Variants in TSHZ3 observed in about 807,000 individuals in gnomAD.
TSHZ3 encodes the protein teashirt zinc finger homeobox 3, also known as teashirt homolog 3.
In TSHZ3, 10 loss-of-function variants were observed where a neutral mutation model predicts 64.5. The observed-to-expected ratio is 0.16, with a 90% confidence interval of 0.10 to 0.26. TSHZ3 has a LOEUF of 0.26. Ranked by LOEUF, TSHZ3 falls within the 10% of genes least tolerant of loss-of-function variation. The probability of loss-of-function intolerance (pLI) is 1.00; values close to 1 mark genes in which losing one functional copy is unlikely to be tolerated. For missense variants in TSHZ3, 1,242 were observed against 1,421.7 expected (o/e 0.87, Z 2.03); for synonymous variants, 608 against 593.1 (o/e 1.03, Z -0.36).
intron 1 of TSHZ3, among the ~76,000 whole-genome samples, chr19:31,258,403 G>C (rs1255177452): frequency 1.3e-5 from 2 of 152,192 alleles, no homozygotes; most frequent in African/African-American, 4.8e-5. Flanking sequence ...TTGATGGCCA[G>C]GAGAGGCCAC....
At chr19:31,241,051 T>G (rs1368958142) in intron 3 of TSHZ3, among the ~76,000 whole-genome samples, 1 of 152,218 alleles carries the variant, frequency 6.6e-6, no homozygotes, top group Non-Finnish European at 1.5e-5. Flanking sequence ...CACATTTTCA[T>G]GTTTTTATTT....
chr19:31,349,491 A>AGAGGAGGAGGAGGTGGAG (rs1568390252), upstream of TSHZ3: 5 of 344,872 alleles, frequency 1.4e-5, no homozygotes, highest in Admixed American at 5.0e-5. Context: ...AGGAGGAGGC[A>AGAGGAGGAGGAGGTGGAG]GAGGAGGAGG....
At chr19:31,329,677 A>G (rs1917022285) in intron 1 of TSHZ3, among the ~76,000 whole-genome samples, 1 of 152,234 alleles carries the variant, frequency 6.6e-6, no homozygotes, top group African/African-American at 2.4e-5. Flanking sequence ...CGGAAGATGC[A>G]TTATTTATGG....
chr19:31,162,353 A>C (rs1465051971), intron 5 of TSHZ3, among the ~76,000 whole-genome samples: 1 of 152,224 alleles, frequency 6.6e-6, no homozygotes, highest in Non-Finnish European at 1.5e-5. Context: ...TGAATGGATA[A>C]TGGAAATGTT....
At chr19:31,228,697 G>A (rs1256238347) in intron 3 of TSHZ3, among the ~76,000 whole-genome samples, 2 of 152,106 alleles carry the variant, frequency 1.3e-5, no homozygotes, top group African/African-American at 4.8e-5. Context: ...ACCTTCCCAT[G>A]GACAGATTGC....
intron 1 of TSHZ3, among the ~76,000 whole-genome samples, chr19:31,304,529 G>GT (rs1229069086): frequency 6.6e-6 from 1 of 152,088 alleles, no homozygotes; most frequent in Non-Finnish European, 1.5e-5. Flanking sequence ...TTAATCTTGA[G>GT]TTTTTAAAAT....
intron 5 of TSHZ3, among the ~76,000 whole-genome samples, chr19:31,202,281 C>G (rs1339511843): frequency 6.6e-6 from 1 of 151,990 alleles, no homozygotes; most frequent in African/African-American, 2.4e-5. Flanking sequence ...TCACTAATGA[C>G]AACACCAAAG....
intron 1 of TSHZ3, among the ~76,000 whole-genome samples, chr19:31,269,367 C>A (rs1029366513): frequency 6.6e-6 from 1 of 152,094 alleles, no homozygotes; most frequent in South Asian, 2.1e-4. Flanking sequence ...GTCACTGAGG[C>A]GGAAGTCCGG....
chr19:31,279,571 G>A lies in TSHZ3; in HGVS notation c.222C>T (p.Ser74=), dbSNP rs767743399. The A allele has an allele frequency of 1.1e-5, 18 of 1,610,646 alleles. No individual in the cohort carries two copies. The highest frequency in any genetic ancestry group is 8.4e-5 in the Admixed American group (5 of 59,850). Residue 74 remains serine, a synonymous_variant, in exon 2 of 2, where the codon AGC becomes AGT. Coordinates refer to ENST00000240587, the MANE Select transcript of TSHZ3 (RefSeq NM_020856.4). The surrounding 1 kb of genome is among the most constrained non-coding windows in gnomAD (Gnocchi z 6.4). ...CACTGGTCTCACTGATGTGTGACTC[G>A]CTGTCCATTTCATGGCAGGAAAACT... ...AAEFSCHEMD[S]ESHISETSDR...
At position 31,278,158 on chromosome 19, in the gene TSHZ3, C is replaced by A. The variant is rs376048307; in HGVS notation, c.1635G>T (p.Gly545=). 2.5e-6 allele frequency: 4 copies of A among 1,614,114 alleles called. No homozygotes were observed. The highest frequency in any genetic ancestry group is 3.4e-6 in the Non-Finnish European group (4 of 1,180,008). Residue 545 remains glycine, a synonymous_variant, in exon 2 of 2, where the codon GGG becomes GGT. Transcript: ENST00000240587. This position sits in a 1 kb window ranked among gnomAD's most constrained non-coding sequence, Gnocchi z 4.7. ...NKAQNGTPSW[G]GYPSIHAAYQ... ...AGGCGGCATGGATGCTGGGATAGCC[C>A]CCCCAGCTAGGAGTGCCGTTCTGGG...
At chr19:31,179,133 C>T (rs1974659771) in intron 5 of TSHZ3, among the ~76,000 whole-genome samples, 1 of 152,076 alleles carries the variant, frequency 6.6e-6, no homozygotes, top group Admixed American at 6.5e-5. Context: ...GACAGGACTA[C>T]TCACAACAAT....
chr19:31,333,366 G>A (rs545308359), intron 1 of TSHZ3, among the ~76,000 whole-genome samples: 3 of 152,002 alleles, frequency 2.0e-5, no homozygotes, highest in South Asian at 2.1e-4. Context: ...CTGCAGAAAC[G>A]CTCCCACTCA....
chr19:31,348,930 C>A (rs911774660), intron 1 of TSHZ3: 5 of 466,524 alleles, frequency 1.1e-5, no homozygotes, highest in Non-Finnish European at 1.9e-5. Flanking sequence ...AGGGACCTGG[C>A]GCGGCTCAGC....
At position 31,278,209 on chromosome 19, in the gene TSHZ3, G is replaced by A; in HGVS notation, c.1584C>T (p.Asn528=). 1.2e-6 allele frequency: 2 copies of A among 1,614,094 alleles called. No individual in the cohort carries two copies. The highest frequency in any genetic ancestry group is 1.1e-5 in the South Asian group (1 of 91,086). The change falls in exon 2 of 2, where the codon AAC becomes AAT. Residue 528 remains asparagine (N), a synonymous_variant. Transcript: ENST00000240587. The surrounding 1 kb of genome is among the most constrained non-coding windows in gnomAD (Gnocchi z 4.7). ...GGLDILKSLE[N]TVTSAINKAQ... ...CCTTGTTGATTGCGGATGTCACTGT[G>A]TTTTCCAAGGATTTGAGGATATCAA... is the stretch of plus-strand genomic sequence containing the variant.
intron 1 of TSHZ3, among the ~76,000 whole-genome samples, chr19:31,289,728 C>T (rs1009841411): frequency 1.2e-4 from 18 of 152,080 alleles, no homozygotes; most frequent in African/African-American, 3.9e-4. Context: ...AGATTGGCTG[C>T]CACTGTCCCT....
At chr19:31,199,377 C>A (rs1317247044) in intron 5 of TSHZ3, among the ~76,000 whole-genome samples, 1 of 135,150 alleles carries the variant, frequency 7.4e-6, no homozygotes, top group Non-Finnish European at 1.5e-5. Context: ...GCACTCCAGC[C>A]TGATGACAGA....
intron 1 of TSHZ3, among the ~76,000 whole-genome samples, chr19:31,252,354 A>G (rs1303736252): frequency 6.6e-6 from 1 of 152,004 alleles, no homozygotes; most frequent in Non-Finnish European, 1.5e-5. Flanking sequence ...TCTTGTAAGG[A>G]CACATGTCAT....
intron 5 of TSHZ3, among the ~76,000 whole-genome samples, chr19:31,164,743 C>T (rs1006974009): frequency 6.6e-6 from 1 of 152,282 alleles, no homozygotes; most frequent in African/African-American, 2.4e-5. Flanking sequence ...CAGCTCTCCC[C>T]GGGGTGAGGT....
intron 4 of TSHZ3, chr19:31,207,535 A>C (rs974345391): frequency 6.6e-6 from 1 of 152,188 alleles, no homozygotes; most frequent in African/African-American, 2.4e-5. Context: ...TCAAAGCAGA[A>C]GAGCCTCGGA....
Sources: allele counts gnomAD v4.1 joint callset (sites outside exome capture counted in the v4.1 genomes callset), GRCh38; gene constraint gnomAD v4.1.1; non-coding constraint Gnocchi (gnomAD v3.1); transcripts MANE v1.5; gene names NCBI Gene and HGNC (gene_info 2026-07-23, HGNC 2026-07-21).